The following CHLSN variants were observed in gnomAD, a reference collection of about 807,000 sequenced individuals.
The protein encoded by CHLSN is cholesin, also known as protein cholesin.
the CHLSN span, among the ~76,000 whole-genome samples, chr7:1,124,494 T>C: frequency 2.8e-5 from 4 of 142,286 alleles, no homozygotes; most frequent in Admixed American, 1.5e-4. Flanking sequence ...AGCGTCCATC[T>C]GGAACCCAAA....
chr7:1,026,771 T>C, the CHLSN span: 1 of 152,258 alleles, frequency 6.6e-6, no homozygotes, highest in Non-Finnish European at 1.5e-5. Flanking sequence ...GAGGCTCCCG[T>C]AGTGCTCGAG....
chr7:1,136,366 AT>A, the CHLSN span, among the ~76,000 whole-genome samples: 2 of 32,176 alleles, frequency 6.2e-5, no homozygotes, highest in African/African-American at 3.9e-4. Flanking sequence ...AAACATATAT[AT>A]AAATATATAT....
the CHLSN span, among the ~76,000 whole-genome samples, chr7:1,117,732 A>G: frequency 7.4e-6 from 1 of 135,980 alleles, no homozygotes; most frequent in African/African-American, 3.6e-5. Context: ...CCCACGCAGG[A>G]TGATGACATC....
the CHLSN span, among the ~76,000 whole-genome samples, chr7:1,009,684 G>T: frequency 2.6e-5 from 4 of 152,340 alleles, no homozygotes; most frequent in African/African-American, 7.2e-5. Context: ...CTGGGGCAAG[G>T]TTCACCATCA....
the CHLSN span, among the ~76,000 whole-genome samples, chr7:1,096,640 T>A: frequency 1.3e-5 from 2 of 152,238 alleles, no homozygotes. This position sits in a 1 kb window ranked among gnomAD's most constrained non-coding sequence, Gnocchi z 4.6. Context: ...CTCTCCTACA[T>A]GAGTGCTTTT....
the CHLSN span, among the ~76,000 whole-genome samples, chr7:1,014,803 G>A: frequency 1.3e-5 from 2 of 150,916 alleles, no homozygotes; most frequent in African/African-American, 2.5e-5. Context: ...CCACGGCAGC[G>A]ATCCGGCCAC....
At chr7:1,103,267 G>A in the CHLSN span, among the ~76,000 whole-genome samples, 1 of 152,208 alleles carries the variant, frequency 6.6e-6, no homozygotes, top group Non-Finnish European at 1.5e-5. Flanking sequence ...GGGCAAGGAC[G>A]AAAGCTTCAT....
the CHLSN span, among the ~76,000 whole-genome samples, chr7:993,026 A>G: frequency 2.0e-5 from 3 of 152,030 alleles, no homozygotes; most frequent in African/African-American, 7.2e-5. Flanking sequence ...ATGGCTCTGG[A>G]CTGCTGGGCC....
At chr7:1,039,667 A>G in the CHLSN span, among the ~76,000 whole-genome samples, 1 of 67,152 alleles carries the variant, frequency 1.5e-5, no homozygotes, top group Non-Finnish European at 2.6e-5. Flanking sequence ...CCCGTCTGGG[A>G]GGTGTGCCCA....
chr7:1,106,823 C>T, the CHLSN span, among the ~76,000 whole-genome samples: 3 of 152,218 alleles, frequency 2.0e-5, no homozygotes, highest in African/African-American at 4.8e-5. Context: ...CCCTTCCCTC[C>T]GTGCTGTTTC....
At chr7:1,054,437 G>A in the CHLSN span, among the ~76,000 whole-genome samples, 2 of 152,260 alleles carry the variant, frequency 1.3e-5, no homozygotes, top group African/African-American at 2.4e-5. Context: ...AACCCCACCT[G>A]GAGGCCGGCG....
chr7:1,053,728 G>A, the CHLSN span, among the ~76,000 whole-genome samples: 2 of 152,342 alleles, frequency 1.3e-5, no homozygotes, highest in Middle Eastern at 3.4e-3. Context: ...TCGGGAGGCT[G>A]AGGCAGGAGA....
At chr7:1,026,807 G>C in the CHLSN span, 1 of 152,280 alleles carries the variant, frequency 6.6e-6, no homozygotes, top group Non-Finnish European at 1.5e-5. Context: ...CCCCGTGGAG[G>C]GAACAAAGCT....
At chr7:1,019,461 G>GT in the CHLSN span, among the ~76,000 whole-genome samples, 1 of 152,242 alleles carries the variant, frequency 6.6e-6, no homozygotes, top group Non-Finnish European at 1.5e-5. Context: ...TCCTGGCACC[G>GT]TGAGGAGGCT....
chr7:1,066,255 C>A, the CHLSN span, among the ~76,000 whole-genome samples: 13 of 145,386 alleles, frequency 8.9e-5, no homozygotes, highest in Non-Finnish European at 1.4e-4. Flanking sequence ...GGGAAAAATA[C>A]CGACAAACGC....
chr7:1,135,788 TATATAC>T, the CHLSN span, among the ~76,000 whole-genome samples: 11,655 of 107,958 alleles, frequency 0.11, 1,140 homozygotes, highest in African/African-American at 0.3. Context: ...TATATATATA[TATATAC>T]ACAATTTATT....
chr7:1,041,471 T>C, the CHLSN span, among the ~76,000 whole-genome samples: 10 of 151,996 alleles, frequency 6.6e-5, no homozygotes, highest in East Asian at 1.4e-3. Context: ...GACTCCACAA[T>C]TCCTTACTAA....
At chr7:1,117,441 A>T in the CHLSN span, among the ~76,000 whole-genome samples, 37 of 44,544 alleles carry the variant, frequency 8.3e-4, no homozygotes, top group South Asian at 2.1e-3. Flanking sequence ...CTTCCATCAC[A>T]GACGCCCACG....
chr7:1,137,615 G>A, the CHLSN span: 1 of 152,164 alleles, frequency 6.6e-6, no homozygotes, highest in Non-Finnish European at 1.5e-5. Context: ...ACCAGCCTGG[G>A]TAACATGGTG....
Sources: allele counts gnomAD v4.1 joint callset (sites outside exome capture counted in the v4.1 genomes callset), GRCh38; gene constraint gnomAD v4.1.1; non-coding constraint Gnocchi (gnomAD v3.1); transcripts MANE v1.5; gene names NCBI Gene and HGNC (gene_info 2026-07-23, HGNC 2026-07-21).